Variants in TBPL2 observed in about 807,000 individuals in gnomAD.
The protein encoded by TBPL2 is TATA box-binding protein-like 2.
In TBPL2, 40 loss-of-function variants were observed where a neutral mutation model predicts 38.2. The ratio of observed to expected loss-of-function variants is 1.05; its 90% CI spans 0.81 to 1.36. The LOEUF (loss-of-function observed/expected upper bound fraction) is 1.36. TBPL2 is among the 40% of genes most tolerant of loss of function. The probability of loss-of-function intolerance (pLI) is 0.00; values close to 1 mark genes in which losing one functional copy is unlikely to be tolerated. For missense variants in TBPL2, 461 were observed against 456.7 expected, an observed-to-expected ratio of 1.01 and a Z score of -0.09; for synonymous variants, 169 against 171.7, an observed-to-expected ratio of 0.98 and a Z score of 0.12.
chr14:55,430,398 TAAAAA>T (rs370880582), intron 4 of TBPL2, among the ~76,000 whole-genome samples: 187 of 119,806 alleles, frequency 1.6e-3, no homozygotes, highest in African/African-American at 1.9e-3. Context: ...TCACCCACTT[TAAAAA>T]AAAAAAAAAA....
chr14:55,429,766 C>CAAAAAAAAA (rs71131266), intron 4 of TBPL2, among the ~76,000 whole-genome samples: 7 of 52,394 alleles, frequency 1.3e-4, no homozygotes, highest in Non-Finnish European at 2.3e-4. Context: ...AACTCCGTCT[C>CAAAAAAAAA]AAAAAAAAAA....
chr14:55,435,039 A>C (rs565430317), intron 3 of TBPL2, among the ~76,000 whole-genome samples: 1 of 152,312 alleles, frequency 6.6e-6, no homozygotes, highest in African/African-American at 2.4e-5. Flanking sequence ...CCTTGGCAGG[A>C]TACAAGAAAG....
At position 55,436,434 on chromosome 14, in the gene TBPL2, A is replaced by G. The variant is rs199701849; in HGVS notation, c.608+127T>C. 1.6e-4 allele frequency: 142 copies of G among 908,486 alleles called. 1 individual carries two copies. In the East Asian group the frequency reaches 3.6e-3, roughly 23 times the overall value. The allele number at this position is 908,486 out of a possible 1,614,324, so 56.3% of individuals were successfully genotyped here. A position where few individuals can be genotyped will look rare whatever the true frequency, so the allele number is the denominator to read the frequency against. On this transcript the variant is annotated intron_variant, in intron 2 of 6. Transcript: ENST00000247219. ...TAAAGCCACAATCCATTTAGAACTG[A>G]TAAAACAAAGAATTATGAAATCTGA... is the stretch of plus-strand genomic sequence containing the variant.
chr14:55,431,814 C>T (rs1447030494), intron 4 of TBPL2, among the ~76,000 whole-genome samples: 1 of 152,176 alleles, frequency 6.6e-6, no homozygotes, highest in African/African-American at 2.4e-5. Flanking sequence ...TAAATTCAGT[C>T]CCTCAGTTGT....
chr14:55,428,117 A>ATTTTTTTTT (rs1420262023), intron 5 of TBPL2, among the ~76,000 whole-genome samples: 6 of 48,328 alleles, frequency 1.2e-4, no homozygotes, highest in East Asian at 8.5e-4. Flanking sequence ...CACATGCCTT[A>ATTTTTTTTT]TCTTTTTTTT....
intron 1 of TBPL2, among the ~76,000 whole-genome samples, chr14:55,437,366 T>C (rs1010676962): frequency 2.6e-5 from 4 of 152,186 alleles, no homozygotes; most frequent in Non-Finnish European, 4.4e-5. Flanking sequence ...TAATCCCAGC[T>C]ACTGGGGAGG....
In TBPL2 at chr14:55,429,045, A is replaced by T; in HGVS notation, c.789-71T>A. The T allele has an allele frequency of 1.9e-6, 3 of 1,549,642 alleles. No homozygotes were observed. The South Asian group carries it at 3.5e-5, about 18-fold the overall frequency. On this transcript the variant is annotated intron_variant, in intron 4 of 6. Coordinates refer to ENST00000247219, the Ensembl canonical transcript of TBPL2. ...CTCTCAACTACTGGTGTTGTATTGG[A>T]TTGTTACCATTTGTACCACGTTTAT...
At chr14:55,429,079 G>GTA in intron 4 of TBPL2, 105 bp from the exon 5 acceptor site, 1 of 1,387,334 alleles carries the variant, frequency 7.2e-7, no homozygotes, top group Non-Finnish European at 9.9e-7. Context: ...ATCTTTCAAT[G>GTA]TATACTATGA....
chr14:55,415,171 A>G (rs1885649777), intron 6 of TBPL2, among the ~76,000 whole-genome samples: 3 of 152,218 alleles, frequency 2.0e-5, no homozygotes, highest in African/African-American at 7.2e-5. Flanking sequence ...ATGTACTTGT[A>G]CTACTTATAT....
At chr14:55,424,850 A>G (rs1885796986) in intron 5 of TBPL2, among the ~76,000 whole-genome samples, 2 of 152,172 alleles carry the variant, frequency 1.3e-5, no homozygotes, top group African/African-American at 4.8e-5. Context: ...GGAGCGAAAG[A>G]TGATAGCACT....
intron 4 of TBPL2, among the ~76,000 whole-genome samples, chr14:55,429,766 C>CAAAAAAAAAAAAAAAAAAA (rs71131266): frequency 7.6e-5 from 4 of 52,380 alleles, no homozygotes; most frequent in Admixed American, 2.6e-4. Flanking sequence ...AACTCCGTCT[C>CAAAAAAAAAAAAAAAAAAA]AAAAAAAAAA....
chr14:55,429,245 G>A (rs1360383491), intron 4 of TBPL2, among the ~76,000 whole-genome samples: 1 of 152,148 alleles, frequency 6.6e-6, no homozygotes, highest in Non-Finnish European at 1.5e-5. Context: ...TTTTACTTGG[G>A]TGTTATTTGC....
intron 3 of TBPL2, 135 bp downstream of exon 3, chr14:55,435,712 C>A (rs1422798553): frequency 3.3e-6 from 2 of 603,620 alleles, no homozygotes; most frequent in Non-Finnish European, 5.7e-6. Flanking sequence ...CAGATATTAA[C>A]CCTGAGTTGC....
At chr14:55,424,086 T>A (rs1049053269) in intron 6 of TBPL2, 73 bp downstream of exon 6, 2 of 1,022,502 alleles carry the variant, frequency 2.0e-6, no homozygotes, top group Non-Finnish European at 3.0e-6. Context: ...TGAACAAAGG[T>A]ATTTAAAAGA....
intron 1 of TBPL2, among the ~76,000 whole-genome samples, chr14:55,438,393 C>G (rs1203685377): frequency 1.3e-5 from 2 of 152,166 alleles, no homozygotes; most frequent in African/African-American, 4.8e-5. Context: ...GATACGCTCC[C>G]ATCTTTCCCC....
intron 4 of TBPL2, among the ~76,000 whole-genome samples, chr14:55,430,877 C>T (rs530860647): frequency 2.0e-5 from 3 of 152,286 alleles, no homozygotes; most frequent in East Asian, 1.9e-4. Context: ...TTACATTTCC[C>T]GTAATGTAAA....
At position 55,424,152 on chromosome 14, in the gene TBPL2, C is replaced by A; in HGVS notation, c.1051+7G>T. 6.2e-7 allele frequency: 1 copy of A among 1,603,056 alleles called. No homozygotes were observed. Among genetic ancestry groups the A allele is most frequent in the Non-Finnish European group, 8.5e-7 (1 of 1,170,686 alleles). On this transcript the variant is annotated splice_region_variant and intron_variant, in intron 6 of 6. Coordinates refer to ENST00000247219, the Ensembl canonical transcript of TBPL2. The stretch of plus-strand genomic sequence containing the variant: ...TTTATGAGTCAGAAAATAATCTTAG[C>A]ACTTACCTGTCAACACAACTTTTCC...
intron 6 of TBPL2, among the ~76,000 whole-genome samples, chr14:55,421,855 T>C (rs1306539037): frequency 6.6e-6 from 1 of 152,220 alleles, no homozygotes; most frequent in Non-Finnish European, 1.5e-5. Context: ...AACAGACATG[T>C]CATTTTGCTG....
chr14:55,430,563 C>G (rs149831942), intron 4 of TBPL2, among the ~76,000 whole-genome samples: 1 of 152,164 alleles, frequency 6.6e-6, no homozygotes, highest in Non-Finnish European at 1.5e-5. Flanking sequence ...ACCACCACAC[C>G]TGCCTAAATT....
Sources: gnomAD v4.1 joint callset for allele counts (sites outside exome capture counted in the v4.1 genomes callset) on GRCh38, gnomAD v4.1.1 for gene constraint, MANE v1.5 for transcripts, NCBI Gene and HGNC (gene_info 2026-07-23, HGNC 2026-07-21) for gene names.